Variants in RBFOX1 observed in about 807,000 individuals in gnomAD.
RBFOX1 encodes the protein RNA binding fox-1 homolog 1.
In RBFOX1, 8 loss-of-function variants were observed where a neutral mutation model predicts 57.7. The observed-to-expected ratio is 0.14, with a 90% CI of 0.08 to 0.25. The LOEUF (loss-of-function observed/expected upper bound fraction) is 0.25, where lower values mean the gene tolerates loss of function less well. Among genes scored for constraint, RBFOX1 ranks in the 10% least tolerant of loss-of-function variants. The pLI, the probability that RBFOX1 is intolerant of heterozygous loss-of-function variation, is 1.00. For synonymous variants in RBFOX1, 326 were observed against 222.4 expected (o/e 1.47, Z -4.15); for missense variants, 611 against 548.5 (o/e 1.11, Z -1.14).
intron 4 of RBFOX1, among the ~76,000 whole-genome samples, chr16:7,355,547 G>C (rs1042020696): frequency 6.6e-6 from 1 of 152,102 alleles, no homozygotes; most frequent in East Asian, 1.9e-4. Context: ...AAGCAAGTGG[G>C]ATCTCATCAC....
chr16:6,915,465 C>T (rs2072900209), intron 3 of RBFOX1, among the ~76,000 whole-genome samples: 2 of 152,060 alleles, frequency 1.3e-5, no homozygotes, highest in Admixed American at 1.3e-4. Context: ...AAAAATTATT[C>T]CTTAAACAAA....
intron 2 of RBFOX1, among the ~76,000 whole-genome samples, chr16:5,548,924 A>G (rs1206366404): frequency 6.6e-6 from 1 of 152,220 alleles, no homozygotes; most frequent in Non-Finnish European, 1.5e-5. Context: ...CAAGTCCTCT[A>G]CATTATACAT....
intron 1 of RBFOX1, among the ~76,000 whole-genome samples, chr16:6,296,244 C>G (rs1014834476): frequency 6.6e-6 from 1 of 152,092 alleles, no homozygotes; most frequent in Non-Finnish European, 1.5e-5. Context: ...AAGTTCAGTG[C>G]TAGATTTTCA....
At chr16:5,645,882 TG>T (rs2049035554) in intron 3 of RBFOX1, among the ~76,000 whole-genome samples, 1 of 152,206 alleles carries the variant, frequency 6.6e-6, no homozygotes, top group Non-Finnish European at 1.5e-5. Context: ...GTTGTTATGC[TG>T]GAATGCAATG....
At chr16:7,271,692 A>C (rs1047643309) in intron 4 of RBFOX1, among the ~76,000 whole-genome samples, 1 of 152,142 alleles carries the variant, frequency 6.6e-6, no homozygotes, top group Non-Finnish European at 1.5e-5. Flanking sequence ...GGAAACAGTG[A>C]TTTAAAAGGA....
intron 4 of RBFOX1, among the ~76,000 whole-genome samples, chr16:7,387,311 A>G (rs1479870602): frequency 1.3e-5 from 2 of 152,182 alleles, no homozygotes; most frequent in African/African-American, 4.8e-5. Context: ...TCCTCATTTT[A>G]TAGATAAGAA....
intron 2 of RBFOX1, among the ~76,000 whole-genome samples, chr16:6,559,651 T>A (rs145549993): frequency 9.2e-4 from 140 of 152,292 alleles, no homozygotes; most frequent in African/African-American, 3.1e-3. Context: ...TATATGTGAA[T>A]ATATACCCAC....
chr16:6,712,133 G>A lies in RBFOX1; in HGVS notation c.-16+57483G>A, dbSNP rs184958693. Among the ~76,000 whole-genome samples the A allele has an allele frequency of 5.0e-3, 768 of 152,274 alleles. 8 individuals are homozygous for A. Among genetic ancestry groups the A allele is most frequent in the Non-Finnish European group, 7.5e-3 (508 of 68,014 alleles). On this transcript the variant is annotated intron_variant, in intron 3 of 15. Coordinates refer to ENST00000550418, the MANE Select transcript of RBFOX1 (RefSeq NM_018723.4). ...GAGGCTTAACAAATATTTATTGAATGAATGAATGATGGAATGTAGAGGTGC... is the reference window on the plus strand; with the variant it reads ...GAGGCTTAACAAATATTTATTGAATAAATGAATGATGGAATGTAGAGGTGC...
intron 1 of RBFOX1, among the ~76,000 whole-genome samples, chr16:5,322,023 T>C (rs2064424115): frequency 6.6e-6 from 1 of 152,108 alleles, no homozygotes; most frequent in Non-Finnish European, 1.5e-5. Context: ...GTCTCCATCC[T>C]ACAGATGAAG....
At chr16:6,518,327 C>G (rs1305030374) in intron 2 of RBFOX1, among the ~76,000 whole-genome samples, 1 of 152,004 alleles carries the variant, frequency 6.6e-6, no homozygotes, top group Non-Finnish European at 1.5e-5. Context: ...GATACGTGAT[C>G]CAGGGAAAGG....
At chr16:7,478,357 A>T (rs2151132629) in intron 4 of RBFOX1, among the ~76,000 whole-genome samples, 1 of 152,364 alleles carries the variant, frequency 6.6e-6, no homozygotes, top group East Asian at 1.9e-4. Context: ...CAGGTGGCCC[A>T]AGGGAAAAAA....
At chr16:6,873,721 C>T (rs1210592296) in intron 3 of RBFOX1, among the ~76,000 whole-genome samples, 1 of 152,176 alleles carries the variant, frequency 6.6e-6, no homozygotes, top group Non-Finnish European at 1.5e-5. Context: ...ATCATCCTCT[C>T]ATTGTCGTCA....
At chr16:7,399,586 CCTGACATTT>C (rs2098203693) in intron 4 of RBFOX1, among the ~76,000 whole-genome samples, 1 of 152,158 alleles carries the variant, frequency 6.6e-6, no homozygotes, top group Non-Finnish European at 1.5e-5. Flanking sequence ...TCTGTCAATA[CCTGACATTT>C]CTGGGCTTGT....
chr16:6,566,062 T>G (rs913333926), intron 2 of RBFOX1, among the ~76,000 whole-genome samples: 1 of 152,240 alleles, frequency 6.6e-6, no homozygotes, highest in Non-Finnish European at 1.5e-5. Flanking sequence ...CAAACAGAGT[T>G]AATTGCACAC....
chr16:7,038,355 A>G (rs2045154006), intron 3 of RBFOX1, among the ~76,000 whole-genome samples: 1 of 152,156 alleles, frequency 6.6e-6, no homozygotes, highest in Non-Finnish European at 1.5e-5. Context: ...AGAAATGGTG[A>G]TTGCTTTCGC....
chr16:7,199,861 C>T (rs1567677348), intron 4 of RBFOX1, among the ~76,000 whole-genome samples: 1 of 152,124 alleles, frequency 6.6e-6, no homozygotes, highest in East Asian at 1.9e-4. Context: ...CATAACTATA[C>T]TCCAGCCTGG....
chr16:6,012,814 C>G (rs1050082992), intron 4 of RBFOX1, among the ~76,000 whole-genome samples: 3 of 152,062 alleles, frequency 2.0e-5, no homozygotes, highest in Admixed American at 2.0e-4. Context: ...GTCCAGAGGT[C>G]AAAATCCCAT....
Position 6,020,009 on chromosome 16 carries a change from T to C in RBFOX1, c.-127+17T>C. 1 of 1,506,340 alleles carries C rather than the reference T, an allele frequency of 6.6e-7. No individual in the cohort carries two copies. Among genetic ancestry groups the C allele is most frequent in the East Asian group, 2.5e-5 (1 of 39,782 alleles). 93.3% of individuals were successfully genotyped at this position (1,506,340 alleles called of 1,614,324 possible). ...GAGTTCTAGGTAAGTCCAGGCGGAGTCATTGCCTCTGCACCCACCCTGACC... is the reference window on the plus strand; with the variant it reads ...GAGTTCTAGGTAAGTCCAGGCGGAGCCATTGCCTCTGCACCCACCCTGACC... On this transcript the variant is annotated intron_variant, in intron 1 of 15. Transcript: ENST00000550418.
chr16:6,483,853 C>A, intron 2 of RBFOX1: 1 of 1,197,798 alleles, frequency 8.3e-7, no homozygotes, highest in Admixed American at 3.9e-5. Context: ...GGATGGAATC[C>A]GGGAAACCCA....
Sources: gnomAD v4.1 joint callset for allele counts (sites outside exome capture counted in the v4.1 genomes callset) on GRCh38, gnomAD v4.1.1 for gene constraint, MANE v1.5 for transcripts, NCBI Gene and HGNC (gene_info 2026-07-23, HGNC 2026-07-21) for gene names.